CACNA1D: variants seen among roughly 807,000 people sequenced by gnomAD.
CACNA1D encodes the protein calcium voltage-gated channel subunit alpha1 D.
CACNA1D carries 55 observed loss-of-function variants against 257.1 expected under a neutral mutation model. That is an observed-to-expected ratio of 0.21 (90% CI 0.17 to 0.27). The LOEUF (loss-of-function observed/expected upper bound fraction) is 0.27, where lower values mean the gene tolerates loss of function less well. Ranked by LOEUF, CACNA1D falls within the 10% of genes least tolerant of loss-of-function variation. The pLI is 1.00. For missense variants in CACNA1D, 1,876 were observed against 2,784.0 expected (o/e 0.67, Z 7.34); for synonymous variants, 980 against 1,014.9 (o/e 0.97, Z 0.65).
intron 3 of CACNA1D, among the ~76,000 whole-genome samples, chr3:53,507,090 A>C (rs922122773): frequency 1.5e-5 from 2 of 137,668 alleles, no homozygotes; most frequent in African/African-American, 2.6e-5. Context: ...AAAAAAAAAA[A>C]AAACAAAAAA....
intron 4 of CACNA1D, among the ~76,000 whole-genome samples, chr3:53,654,756 C>T (rs541934954): frequency 3.3e-5 from 5 of 152,122 alleles, no homozygotes; most frequent in Admixed American, 6.5e-5. Flanking sequence ...ATTTACTATT[C>T]GGCACTTTAT....
intron 3 of CACNA1D, among the ~76,000 whole-genome samples, chr3:53,650,095 G>C (rs1308007906): frequency 6.6e-6 from 1 of 152,242 alleles, no homozygotes; most frequent in Non-Finnish European, 1.5e-5. Context: ...CTCTGCCTAG[G>C]TTTCCTGGGA....
At chr3:53,683,595 G>C (rs1210230810) in intron 8 of CACNA1D, among the ~76,000 whole-genome samples, 1 of 152,200 alleles carries the variant, frequency 6.6e-6, no homozygotes, top group African/African-American at 2.4e-5. Flanking sequence ...AAAGTCGATA[G>C]AAACAAAAGA....
At chr3:53,788,812 C>T (rs1425610903) in intron 40 of CACNA1D, among the ~76,000 whole-genome samples, 25 of 152,140 alleles carry the variant, frequency 1.6e-4, no homozygotes, top group Non-Finnish European at 1.5e-5. Context: ...AATTTACAGC[C>T]AGCAGGTTAG....
At chr3:53,777,169 T>G (rs575060509) in intron 37 of CACNA1D, among the ~76,000 whole-genome samples, 1 of 152,142 alleles carries the variant, frequency 6.6e-6, no homozygotes, top group South Asian at 2.1e-4. Flanking sequence ...ATTCTGTAAT[T>G]TGTCATTGGG....
At chr3:53,681,242 C>T (rs757694016) in intron 8 of CACNA1D, among the ~76,000 whole-genome samples, 5 of 152,192 alleles carry the variant, frequency 3.3e-5, no homozygotes, top group Non-Finnish European at 5.9e-5. Flanking sequence ...TAAAGATCCA[C>T]GGTCTTATGA....
At chr3:53,598,050 G>A (rs762958400) in intron 3 of CACNA1D, among the ~76,000 whole-genome samples, 1 of 152,134 alleles carries the variant, frequency 6.6e-6, no homozygotes, top group Non-Finnish European at 1.5e-5. Context: ...CAGTATGAAG[G>A]CTTTCAGGAT....
At chr3:53,642,277 C>T (rs749581705) in intron 3 of CACNA1D, among the ~76,000 whole-genome samples, 4 of 152,186 alleles carry the variant, frequency 2.6e-5, no homozygotes, top group Non-Finnish European at 2.9e-5. Flanking sequence ...CAACTCTAGG[C>T]TTGTGGTCTC....
intron 40 of CACNA1D, among the ~76,000 whole-genome samples, chr3:53,798,195 C>G (rs947203297): frequency 1.3e-5 from 2 of 152,180 alleles, no homozygotes; most frequent in African/African-American, 4.8e-5. Flanking sequence ...CAGTTGCCTT[C>G]TTGATGTTTC....
intron 3 of CACNA1D, among the ~76,000 whole-genome samples, chr3:53,597,974 C>T (rs1326896803): frequency 6.6e-6 from 1 of 152,192 alleles, no homozygotes; most frequent in African/African-American, 2.4e-5. Context: ...TTTTATGTTG[C>T]ATGGCCTTTT....
At chr3:53,506,834 T>C (rs1434615331) in intron 3 of CACNA1D, among the ~76,000 whole-genome samples, 1 of 152,196 alleles carries the variant, frequency 6.6e-6, no homozygotes, top group Non-Finnish European at 1.5e-5. Context: ...TATAAACCTG[T>C]CTTCTGTATT....
In CACNA1D at chr3:53,786,968, A is replaced by C; in HGVS notation, c.4923+16A>C. On this transcript the variant is annotated intron_variant, in intron 40 of 47. Transcript: ENST00000350061. ...TGCCCTACAGGTGAATTGTTGTCTC[A>C]TTTTGTTTTCTCTTTTGACTAACGA... 1 of 1,613,752 alleles carries C rather than the reference A, an allele frequency of 6.2e-7. No individual in the cohort carries two copies. Among genetic ancestry groups the C allele is most frequent in the Non-Finnish European group, 8.5e-7 (1 of 1,179,676 alleles).
rs568396491 is a variant in CACNA1D, at chr3:53,724,447, G to T, written c.2100+448G>T. Among the ~76,000 whole-genome samples the T allele has an allele frequency of 5.5e-4, 83 of 152,286 alleles. 4 individuals carry two copies. The South Asian group carries it at 0.017, about 30-fold the overall frequency. On this transcript the variant is annotated intron_variant, in intron 14 of 47. Coordinates refer to ENST00000350061, the MANE Select transcript of CACNA1D (RefSeq NM_001128840.3). ...GTGTGTAGTTGGAGGAATCAGAGTGGTAGGAACTGTGGCAGCCATTGGTCC... is the reference window on the plus strand; with the variant it reads ...GTGTGTAGTTGGAGGAATCAGAGTGTTAGGAACTGTGGCAGCCATTGGTCC...
chr3:53,519,946 AG>A (rs1333772152), intron 3 of CACNA1D, among the ~76,000 whole-genome samples: 5 of 152,196 alleles, frequency 3.3e-5, no homozygotes, highest in Non-Finnish European at 4.4e-5. Context: ...AATGTTTTCA[AG>A]GTTGATTCAT....
chr3:53,772,874 C>T lies in CACNA1D; in HGVS notation c.4086C>T (p.Phe1362=). Residue 1362 remains phenylalanine (F), a synonymous_variant, in exon 33 of 48, where the codon TTC becomes TTT. Transcript: ENST00000350061. ...CCCTCCTCATAGCCATGCTGTTCTT[C>T]ATCTATGCGGTCATTGGCATGCAGG... ...YVALLIAMLF[F]IYAVIGMQMF... 1 of 1,613,924 alleles carries T rather than the reference C, an allele frequency of 6.2e-7. No individual in the cohort carries two copies. The highest frequency in any genetic ancestry group is 8.5e-7 in the Non-Finnish European group (1 of 1,179,962).
At chr3:53,558,485 G>T (rs2092684261) in intron 3 of CACNA1D, among the ~76,000 whole-genome samples, 1 of 152,096 alleles carries the variant, frequency 6.6e-6, no homozygotes, top group African/African-American at 2.4e-5. Context: ...TTCAGTAGTA[G>T]TTATTTATTT....
intron 46 of CACNA1D, chr3:53,809,736 T>C (rs1489302894): frequency 1.8e-6 from 1 of 569,762 alleles, no homozygotes; most frequent in Non-Finnish European, 3.2e-6. Flanking sequence ...AACTGATACC[T>C]CCTTGGGAAA....
intron 39 of CACNA1D, among the ~76,000 whole-genome samples, chr3:53,783,826 T>C (rs1186146265): frequency 6.6e-6 from 1 of 152,216 alleles, no homozygotes; most frequent in Non-Finnish European, 1.5e-5. Flanking sequence ...GATATTTGCA[T>C]ACCCCTCTGG....
chr3:53,719,094 G>A (rs945001056), intron 10 of CACNA1D, among the ~76,000 whole-genome samples: 3 of 152,158 alleles, frequency 2.0e-5, no homozygotes, highest in Non-Finnish European at 4.4e-5. Context: ...AGCCCTGTGC[G>A]GTTTGGTTTT....
Sources: allele counts gnomAD v4.1 joint callset (sites outside exome capture counted in the v4.1 genomes callset), GRCh38; gene constraint gnomAD v4.1.1; transcripts MANE v1.5; gene names NCBI Gene and HGNC (gene_info 2026-07-23, HGNC 2026-07-21).